Variants in LRP1B observed in about 807,000 individuals in gnomAD.
LRP1B encodes the protein LDL receptor related protein 1B.
Under a neutral mutation model 556.6 loss-of-function variants are expected in LRP1B, and 217 were observed. The observed-to-expected ratio is 0.39, with a 90% confidence interval of 0.35 to 0.44. The LOEUF is 0.44. Among genes scored for constraint, LRP1B ranks in the 20% least tolerant of loss-of-function variants. LRP1B has a pLI of 1.00. For synonymous variants in LRP1B, 2,047 were observed against 1,865.8 expected, an observed-to-expected ratio of 1.10 and a Z score of -2.50; for missense variants, 5,053 against 5,620.8, an observed-to-expected ratio of 0.90 and a Z score of 3.23.
intron 3 of LRP1B, among the ~76,000 whole-genome samples, chr2:141,282,513 G>GTATATC (rs1367907497): frequency 6.8e-4 from 101 of 148,582 alleles, no homozygotes; most frequent in African/African-American, 2.1e-3. Context: ...ATATGTATAT[G>GTATATC]TATATCTATA....
At chr2:141,724,037 A>T (rs942972874) in intron 2 of LRP1B, among the ~76,000 whole-genome samples, 1 of 151,958 alleles carries the variant, frequency 6.6e-6, no homozygotes, top group Non-Finnish European at 1.5e-5. Context: ...GGAAAGATTT[A>T]GTATTGATAA....
chr2:140,432,031 T>C (rs1046799030), intron 66 of LRP1B, among the ~76,000 whole-genome samples: 4 of 152,188 alleles, frequency 2.6e-5, no homozygotes, highest in African/African-American at 9.7e-5. Flanking sequence ...TCATATCCCC[T>C]GTGACCTGCA....
At chr2:140,851,591 A>G in intron 28 of LRP1B, 61 bp downstream of exon 28, 2 of 1,558,064 alleles carry the variant, frequency 1.3e-6, no homozygotes, top group Non-Finnish European at 1.7e-6. Flanking sequence ...TCTGAATGCT[A>G]ATATAATTTG....
intron 7 of LRP1B, among the ~76,000 whole-genome samples, chr2:141,180,636 G>A (rs776939156): frequency 2.6e-5 from 4 of 151,854 alleles, no homozygotes; most frequent in African/African-American, 9.7e-5. Flanking sequence ...ACAGGGATAT[G>A]AGTGTGTTAT....
intron 35 of LRP1B, among the ~76,000 whole-genome samples, chr2:140,749,689 G>A (rs1688504418): frequency 6.6e-6 from 1 of 151,976 alleles, no homozygotes; most frequent in Admixed American, 6.6e-5. Flanking sequence ...CCTTCTTCTG[G>A]AATACCTCCT....
chr2:141,606,885 G>A (rs1287012325), intron 2 of LRP1B, among the ~76,000 whole-genome samples: 7 of 152,116 alleles, frequency 4.6e-5, no homozygotes, highest in African/African-American at 1.4e-4. Context: ...TAAAAATACA[G>A]TATTGCCATT....
At chr2:141,212,851 C>T (rs182843135) in intron 6 of LRP1B, among the ~76,000 whole-genome samples, 66 of 152,084 alleles carry the variant, frequency 4.3e-4, no homozygotes, top group Non-Finnish European at 5.7e-4. Context: ...CAAATGTTGA[C>T]GTATAATGAA....
At chr2:141,305,659 C>A (rs1686560321) in intron 3 of LRP1B, among the ~76,000 whole-genome samples, 1 of 152,134 alleles carries the variant, frequency 6.6e-6, no homozygotes, top group Non-Finnish European at 1.5e-5. Context: ...ACATATTTGT[C>A]TGGCTTCAGT....
intron 82 of LRP1B, among the ~76,000 whole-genome samples, chr2:140,319,669 G>C (rs1216308503): frequency 6.6e-6 from 1 of 152,114 alleles, no homozygotes; most frequent in Non-Finnish European, 1.5e-5. Flanking sequence ...ATAACTAATG[G>C]ATACTAGGCT....
intron 2 of LRP1B, among the ~76,000 whole-genome samples, chr2:141,738,027 C>T (rs2105534109): frequency 6.6e-6 from 1 of 151,966 alleles, no homozygotes; most frequent in Middle Eastern, 3.4e-3. Context: ...TTGATCCTCT[C>T]TTGCTGAGCC....
At chr2:141,657,785 T>C (rs1285860711) in intron 2 of LRP1B, among the ~76,000 whole-genome samples, 2 of 152,182 alleles carry the variant, frequency 1.3e-5, no homozygotes, top group Non-Finnish European at 2.9e-5. Flanking sequence ...TCTATAGTTT[T>C]ATAGGTACTG....
chr2:140,790,294 C>A (rs1573722329), intron 32 of LRP1B, among the ~76,000 whole-genome samples: 1 of 152,044 alleles, frequency 6.6e-6, no homozygotes, highest in African/African-American at 2.4e-5. Context: ...ACTGAATACG[C>A]CCCATATTTA....
In LRP1B at chr2:140,748,455, T is replaced by TAC. The variant is rs1280827508; in HGVS notation, c.5758+20756_5758+20757dup. Among the ~76,000 whole-genome samples the TAC allele has an allele frequency of 4.4e-3, 450 of 101,156 alleles. 9 individuals are homozygous for TAC. The highest frequency in any genetic ancestry group is 0.016 in the African/African-American group (425 of 27,168). The allele number at this position is 101,156 out of a possible 152,430, so 66.4% of individuals were successfully genotyped here. On this transcript the variant is annotated intron_variant, in intron 35 of 90. Transcript: ENST00000389484. Reference sequence around the variant, plus strand: ...TTTATATATATATTATATATATATATACACACACATAGGACTTAAAAAATT... The same window carrying TAC: ...TTTATATATATATTATATATATATATACACACACACATAGGACTTAAAAAATT...
intron 2 of LRP1B, among the ~76,000 whole-genome samples, chr2:141,784,879 T>G (rs143314142): frequency 5.3e-5 from 8 of 152,116 alleles, no homozygotes; most frequent in Non-Finnish European, 8.8e-5. Context: ...TTACGGACTG[T>G]GTACTACCTT....
chr2:141,483,781 A>T (rs987029428), intron 2 of LRP1B, among the ~76,000 whole-genome samples: 6 of 151,652 alleles, frequency 4.0e-5, no homozygotes, highest in African/African-American at 2.4e-5. Context: ...GTGTCTGTTC[A>T]TATCCTTTGC....
chr2:140,543,773 A>G (rs1680222757), intron 43 of LRP1B, among the ~76,000 whole-genome samples: 1 of 152,050 alleles, frequency 6.6e-6, no homozygotes, highest in African/African-American at 2.4e-5. Flanking sequence ...ACATAAAAAA[A>G]CATTTAACAG....
At chr2:141,410,410 T>A (rs1460244271) in intron 3 of LRP1B, among the ~76,000 whole-genome samples, 1 of 152,048 alleles carries the variant, frequency 6.6e-6, no homozygotes, top group Non-Finnish European at 1.5e-5. Context: ...TACAGTGTTT[T>A]AAAAAGATGA....
chr2:140,960,756 T>C (rs1298626672), intron 18 of LRP1B, among the ~76,000 whole-genome samples: 1 of 151,944 alleles, frequency 6.6e-6, no homozygotes, highest in Non-Finnish European at 1.5e-5. Context: ...TAATATTTTA[T>C]TGAACTCCAA....
At chr2:141,825,652 C>T (rs773523704) in intron 1 of LRP1B, among the ~76,000 whole-genome samples, 4 of 152,014 alleles carry the variant, frequency 2.6e-5, no homozygotes, top group Non-Finnish European at 5.9e-5. Context: ...TGAAATATGA[C>T]GAAAAGTTCA....
Sources: gnomAD v4.1 joint callset for allele counts (sites outside exome capture counted in the v4.1 genomes callset) on GRCh38, gnomAD v4.1.1 for gene constraint, MANE v1.5 for transcripts, NCBI Gene and HGNC (gene_info 2026-07-23, HGNC 2026-07-21) for gene names.